The following RMDN3 variants were observed in gnomAD, a reference collection of about 807,000 sequenced individuals.
RMDN3 encodes regulator of microtubule dynamics protein 3.
In RMDN3, 41 loss-of-function variants were observed where a neutral mutation model predicts 61.8. The observed-to-expected ratio is 0.66, with a 90% CI of 0.52 to 0.86. The LOEUF is 0.86. Among genes scored for constraint, RMDN3 ranks in the 40% least tolerant of loss-of-function variants. RMDN3 has a pLI of 0.00. For synonymous variants in RMDN3, 247 were observed against 232.0 expected (o/e 1.06, Z -0.59); for missense variants, 557 against 585.3 (o/e 0.95, Z 0.50).
At chr15:40,746,546 C>T (rs1897573199) in intron 4 of RMDN3, among the ~76,000 whole-genome samples, 1 of 151,870 alleles carries the variant, frequency 6.6e-6, no homozygotes, top group Non-Finnish European at 1.5e-5. Context: ...AATAGGCTCC[C>T]TGTGGCTGGA....
intron 7 of RMDN3, chr15:40,739,819 G>C (rs1453738969): frequency 5.6e-6 from 2 of 358,682 alleles, no homozygotes; most frequent in African/African-American, 4.1e-5. Flanking sequence ...GCTGCAGATT[G>C]TCCCAGCCTC....
intron 5 of RMDN3, among the ~76,000 whole-genome samples, chr15:40,744,505 G>A (rs1003198393): frequency 6.6e-6 from 1 of 151,878 alleles, no homozygotes; most frequent in East Asian, 1.9e-4. Flanking sequence ...ACTTCTGGGG[G>A]GGGGGCATTT....
At chr15:40,754,822 AGGCG>A (rs765567372) in intron 1 of RMDN3, 32 bp from the exon 2 acceptor site, 340 of 566,480 alleles carry the variant, frequency 6.0e-4, no homozygotes, top group Middle Eastern at 1.3e-3. Flanking sequence ...GGGAGCAGGC[AGGCG>A]GGCGGGCGGG....
intron 4 of RMDN3, among the ~76,000 whole-genome samples, chr15:40,749,870 G>C (rs1036153363): frequency 1.3e-5 from 2 of 152,190 alleles, no homozygotes. Flanking sequence ...ACAGGGATCT[G>C]ACAACCCAGG....
chr15:40,745,745 A>G (rs1567065923), intron 4 of RMDN3, among the ~76,000 whole-genome samples: 1 of 152,176 alleles, frequency 6.6e-6, no homozygotes. Flanking sequence ...GCAGACAACC[A>G]GCTGAGGCCC....
At chr15:40,739,764 A>G (rs1897206606) in intron 7 of RMDN3, 1 of 203,726 alleles carries the variant, frequency 4.9e-6, no homozygotes, top group Non-Finnish European at 1.0e-5. Context: ...ACCAGCAGCC[A>G]GGGATCACAC....
rs1019475641 is a variant in RMDN3 at position 40,754,713 on chromosome 15, A to C, written c.71T>G (p.Leu24Arg). ...GCTGTAAAGGAGGCACAGGAATCCAAGGCCGGCGGCGGTACCCAGCAACAG... is the reference window on the plus strand; with the variant it reads ...GCTGTAAAGGAGGCACAGGAATCCACGGCCGGCGGCGGTACCCAGCAACAG... The part of the protein sequence containing the change: ...LGLLLGTAAG[L>R]GFLCLLYSQR... Residue 24 changes from leucine to arginine, a missense_variant, in exon 2 of 13, where the codon CTT becomes CGT. Coordinates refer to ENST00000338376, the MANE Select transcript of RMDN3 (RefSeq NM_018145.3). 6.2e-7 allele frequency: 1 copy of C among 1,613,642 alleles called. No homozygotes were observed. The highest frequency in any genetic ancestry group is 8.5e-7 in the Non-Finnish European group (1 of 1,179,890).
At chr15:40,741,844 C>T (rs1270549745) in intron 6 of RMDN3, among the ~76,000 whole-genome samples, 2 of 151,642 alleles carry the variant, frequency 1.3e-5, no homozygotes, top group Non-Finnish European at 2.9e-5. Flanking sequence ...CCAGGCTGGT[C>T]TCAAACTCCT....
chr15:40,753,536 A>G (rs1018892450), intron 2 of RMDN3, among the ~76,000 whole-genome samples: 1 of 151,186 alleles, frequency 6.6e-6, no homozygotes, highest in Non-Finnish European at 1.5e-5. Context: ...GAAAAGAAAA[A>G]AGAAAAGAAA....
intron 6 of RMDN3, among the ~76,000 whole-genome samples, chr15:40,740,836 A>G (rs1045125439): frequency 6.6e-6 from 1 of 152,228 alleles, no homozygotes; most frequent in Admixed American, 6.5e-5. Context: ...CTGTAATCCT[A>G]GCACTTTGGA....
In RMDN3 at chr15:40,737,663, C is replaced by T. The variant is rs775030407; in HGVS notation, c.1189G>A (p.Ala397Thr). Reference sequence around the variant, plus strand: ...CTCTGGAGGGCATCTTCCACAGTGGCACTGAGAGGGCTTTCAAGCAAGGCT... The same window carrying T: ...CTCTGGAGGGCATCTTCCACAGTGGTACTGAGAGGGCTTTCAAGCAAGGCT... ...ATALLESPLSATVEDALQSFL... is the reference protein window; with the variant it reads ...ATALLESPLSTTVEDALQSFL... The change falls in exon 10 of 13, where the codon GCC becomes ACC. Residue 397 changes from alanine to threonine, a missense_variant. Coordinates refer to ENST00000338376, the MANE Select transcript of RMDN3 (RefSeq NM_018145.3). 5.0e-6 allele frequency: 8 copies of T among 1,614,016 alleles called. No homozygotes were observed. Among genetic ancestry groups the T allele is most frequent in the Non-Finnish European group, 8.5e-7 (1 of 1,180,022 alleles).
chr15:40,751,691 A>G (rs1299204266), intron 3 of RMDN3, 122 bp from the exon 4 acceptor site: 2 of 1,444,340 alleles, frequency 1.4e-6, no homozygotes, highest in Non-Finnish European at 1.9e-6. Context: ...AGAAAATCCT[A>G]AGTCTCTAAC....
At chr15:40,741,965 G>A (rs955222231) in intron 6 of RMDN3, among the ~76,000 whole-genome samples, 4 of 151,858 alleles carry the variant, frequency 2.6e-5, no homozygotes, top group Admixed American at 2.6e-4. Context: ...AAGGGAACAT[G>A]GAGAAAATGG....
At position 40,753,583 on chromosome 15, in the gene RMDN3, AGTT is replaced by A. The variant is rs543703016; in HGVS notation, c.187+1011_187+1013del. 8.5e-4 allele frequency among the ~76,000 whole-genome samples: 129 copies of A among 152,354 alleles called. 1 individual carries two copies. The highest frequency in any genetic ancestry group is 2.9e-3 in the African/African-American group (122 of 41,584). On this transcript the variant is annotated intron_variant, in intron 2 of 12. Coordinates refer to ENST00000338376, the MANE Select transcript of RMDN3 (RefSeq NM_018145.3). The stretch of plus-strand genomic sequence containing the variant: ...ACTCCTCTTGCACAAAGATGGTAGT[AGTT>A]TGAACCAGCCCTAGATCCTTTGCTC...
chr15:40,745,040 C>T lies in RMDN3; in HGVS notation c.744G>A (p.Leu248=), dbSNP rs905188844. 3.1e-6 allele frequency: 5 copies of T among 1,614,036 alleles called. No homozygotes were observed. The highest frequency in any genetic ancestry group is 4.2e-6 in the Non-Finnish European group (5 of 1,180,040). Residue 248 remains leucine, a synonymous_variant, in exon 5 of 13, where the codon CTG becomes CTA. Transcript: ENST00000338376. ...GCTTGCCTTGCTCATCACCCCTGTG[C>T]AGCTCGTCGGCCTGCTGCAGGAGGG... ...VLPLLQQADE[L]HRGDEQGKRE...
In RMDN3 at chr15:40,751,486, C is replaced by T; in HGVS notation, c.464G>A (p.Ser155Asn). The change falls in exon 4 of 13, where the codon AGC (serine) becomes AAC (asparagine). Residue 155 changes from serine (S) to asparagine (N), a missense_variant. Transcript: ENST00000338376. ...CGAGGAGGCCGTGAAGTAGACAGAG[C>T]TGGAGCCAGTGGAGTCACTCCTCTC... ...VRERSDSTGS[S>N]SVYFTASSGA... is the part of the protein sequence containing the mutation. 4 of 1,614,214 alleles carry T rather than the reference C, an allele frequency of 2.5e-6. No individual in the cohort carries two copies. Among genetic ancestry groups the T allele is most frequent in the South Asian group, 2.2e-5 (2 of 91,090 alleles).
At chr15:40,749,949 G>A (rs1370467336) in intron 4 of RMDN3, among the ~76,000 whole-genome samples, 1 of 152,136 alleles carries the variant, frequency 6.6e-6, no homozygotes, top group East Asian at 1.9e-4. Flanking sequence ...GGAGACCCCG[G>A]AGCACTCATC....
rs377218919 is a variant in RMDN3 at position 40,737,697 on chromosome 15, T to G, written c.1155A>C (p.Lys385Asn). 17 of 1,613,942 alleles carry G rather than the reference T, an allele frequency of 1.1e-5. No homozygotes were observed. The highest frequency in any genetic ancestry group is 1.6e-4 in the Middle Eastern group (1 of 6,084). The change falls in exon 10 of 13, where the codon AAA (lysine) becomes AAC (asparagine). Residue 385 changes from lysine to asparagine, a missense_variant. Transcript: ENST00000338376. ...GGCTTTCAAGCAAGGCTGTAGCAGT[T>G]TTTTTTTCTAGCCAGCTCAGGTGAG... ...QVSHLSWLEK[K>N]TATALLESPL...
chr15:40,738,149 A>C, intron 8 of RMDN3, 107 bp from the exon 9 acceptor site: 3 of 1,175,822 alleles, frequency 2.6e-6, no homozygotes, highest in Non-Finnish European at 3.8e-6. Context: ...CACTTTGGGA[A>C]GCTGAGGCAG....
Sources: allele counts gnomAD v4.1 joint callset (sites outside exome capture counted in the v4.1 genomes callset), GRCh38; gene constraint gnomAD v4.1.1; transcripts MANE v1.5; gene names NCBI Gene and HGNC (gene_info 2026-07-23, HGNC 2026-07-21).